Variants in DSCAML1 observed in about 807,000 individuals in gnomAD.
DSCAML1 encodes the protein cell adhesion molecule DSCAML1.
In DSCAML1, 38 loss-of-function variants were observed where a neutral mutation model predicts 200.5. The observed-to-expected ratio is 0.19, with a 90% CI of 0.15 to 0.25. The LOEUF (loss-of-function observed/expected upper bound fraction) is 0.25. Among genes scored for constraint, DSCAML1 ranks in the 10% least tolerant of loss-of-function variants. The pLI, the probability that DSCAML1 is intolerant of heterozygous loss-of-function variation, is 1.00. For synonymous variants in DSCAML1, 1,215 were observed against 1,165.0 expected (o/e 1.04, Z -0.87); for missense variants, 2,223 against 2,858.8 (o/e 0.78, Z 5.07).
intron 11 of DSCAML1, among the ~76,000 whole-genome samples, chr11:117,485,156 C>A (rs998517292): frequency 4.6e-5 from 7 of 152,180 alleles, no homozygotes; most frequent in African/African-American, 1.2e-4. Flanking sequence ...ACCCCATTCA[C>A]CCCTGAGGCT....
intron 3 of DSCAML1, among the ~76,000 whole-genome samples, chr11:117,758,256 C>A (rs189488181): frequency 1.3e-5 from 2 of 149,810 alleles, no homozygotes; most frequent in Non-Finnish European, 3.0e-5. Flanking sequence ...GCCAAGATCA[C>A]GCCACTGCAC....
Position 117,458,078 on chromosome 11 carries a change from C to T in DSCAML1, c.3568+676G>A, listed in dbSNP as rs955596008. On this transcript the variant is annotated intron_variant, in intron 19 of 32. Coordinates refer to ENST00000651296, the MANE Select transcript of DSCAML1 (RefSeq NM_020693.4). The stretch of plus-strand genomic sequence containing the variant: ...CTGTTCATGCACTGTGCCTCCCTGG[C>T]GGCCCTGGGGTAGTGCAGCTCCAGG... 1.8e-4 allele frequency among the ~76,000 whole-genome samples: 22 copies of T among 120,248 alleles called. No homozygotes were observed. The South Asian group carries it at 3.9e-3, about 22-fold the overall frequency. The allele number at this position is 120,248 out of a possible 152,430, so 78.9% of individuals were successfully genotyped here.
Position 117,504,914 on chromosome 11 carries a change from AG to A in DSCAML1, c.2182+9del. On this transcript the variant is annotated intron_variant, in intron 10 of 32. Transcript: ENST00000651296. This position sits in a 1 kb window ranked among gnomAD's most constrained non-coding sequence, Gnocchi z 5.0. ...CCTTCTTGGAGATTCTGGCTGGGCC[AG>A]GGGCTTACCCTTGGCATGCTTCCAC... The A allele has an allele frequency of 6.3e-7, 1 of 1,597,024 alleles. No individual in the cohort carries two copies. The highest frequency in any genetic ancestry group is 1.1e-5 in the South Asian group (1 of 87,864).
At chr11:117,571,936 C>T (rs2050853413) in intron 3 of DSCAML1, among the ~76,000 whole-genome samples, 2 of 152,188 alleles carry the variant, frequency 1.3e-5, no homozygotes, top group African/African-American at 4.8e-5. Context: ...CATTGCTACA[C>T]TCCCACCAGC....
chr11:117,656,599 C>T (rs2052741981), intron 3 of DSCAML1, among the ~76,000 whole-genome samples: 1 of 151,998 alleles, frequency 6.6e-6, no homozygotes, highest in African/African-American at 2.4e-5. Flanking sequence ...GTAAGGTAGA[C>T]ATTACTACAA....
rs183242617 is a variant in DSCAML1, at chr11:117,589,038, C to T, written c.512-56516G>A. On this transcript the variant is annotated intron_variant, in intron 3 of 32. Transcript: ENST00000651296. ...ACAAAGAAAAACAAGGCGTGGGTTT[C>T]GGAGGCTGTTGCAGGGAAGCATTGG... 5.9e-5 allele frequency among the ~76,000 whole-genome samples: 9 copies of T among 152,170 alleles called. No individual in the cohort carries two copies. In the East Asian group the frequency reaches 1.2e-3, roughly 20 times the overall value.
chr11:117,761,349 A>AG (rs1401440843), intron 3 of DSCAML1, among the ~76,000 whole-genome samples: 3 of 152,150 alleles, frequency 2.0e-5, no homozygotes, highest in Non-Finnish European at 4.4e-5. Context: ...CCCAGCCCCC[A>AG]GACTGAGGCC....
intron 3 of DSCAML1, among the ~76,000 whole-genome samples, chr11:117,583,918 T>C (rs638979): frequency 0.71 from 107,840 of 152,126 alleles, 39,535 homozygotes; most frequent in Middle Eastern, 0.8. Context: ...ACAGGCACAA[T>C]GCTTTCGGCC....
At chr11:117,633,571 T>G (rs956276951) in intron 3 of DSCAML1, among the ~76,000 whole-genome samples, 2 of 152,228 alleles carry the variant, frequency 1.3e-5, no homozygotes, top group Admixed American at 6.5e-5. Flanking sequence ...ATACTGACAT[T>G]GCAATACCAA....
intron 4 of DSCAML1, among the ~76,000 whole-genome samples, chr11:117,530,859 C>A (rs2050065143): frequency 6.6e-6 from 1 of 152,154 alleles, no homozygotes; most frequent in African/African-American, 2.4e-5. Context: ...TGAGTCTAAT[C>A]CCAAAAGCCG....
At chr11:117,674,634 T>C (rs73592658) in intron 3 of DSCAML1, among the ~76,000 whole-genome samples, 3,956 of 152,224 alleles carry the variant, frequency 0.026, 154 homozygotes, top group African/African-American at 0.09. Context: ...ATCCCAATCT[T>C]CCATGAGGCA....
chr11:117,502,535 G>A (rs991921147), intron 11 of DSCAML1, among the ~76,000 whole-genome samples: 15 of 152,272 alleles, frequency 9.9e-5, no homozygotes, highest in South Asian at 4.1e-4. Context: ...ATTCCGGCTC[G>A]GAGCTCCCTG....
At chr11:117,468,032 A>T (rs1444289817) in intron 16 of DSCAML1, among the ~76,000 whole-genome samples, 1 of 152,182 alleles carries the variant, frequency 6.6e-6, no homozygotes, top group Non-Finnish European at 1.5e-5. Flanking sequence ...CCATCCAGAT[A>T]GATTCACATA....
At chr11:117,610,694 GCCGCCCC>G (rs2051671212) in intron 3 of DSCAML1, among the ~76,000 whole-genome samples, 1 of 151,690 alleles carries the variant, frequency 6.6e-6, no homozygotes, top group Admixed American at 6.6e-5. Flanking sequence ...TTCACATAAA[GCCGCCCC>G]ATCCTTTATA....
At chr11:117,495,060 A>G (rs1451728912) in intron 11 of DSCAML1, among the ~76,000 whole-genome samples, 1 of 152,202 alleles carries the variant, frequency 6.6e-6, no homozygotes, top group Non-Finnish European at 1.5e-5. Flanking sequence ...GCAGGGATCC[A>G]GTGTGTGATA....
intron 11 of DSCAML1, among the ~76,000 whole-genome samples, chr11:117,487,242 T>C (rs1265346697): frequency 6.6e-6 from 1 of 152,164 alleles, no homozygotes; most frequent in African/African-American, 2.4e-5. Flanking sequence ...AGTTTTATAT[T>C]GACTATCTGT....
chr11:117,429,174 A>G (rs2047731543), intron 32 of DSCAML1, among the ~76,000 whole-genome samples: 1 of 152,148 alleles, frequency 6.6e-6, no homozygotes, highest in Non-Finnish European at 1.5e-5. Context: ...CACTACTGCT[A>G]AGGACGAGGA....
intron 3 of DSCAML1, among the ~76,000 whole-genome samples, chr11:117,562,453 C>T (rs2050680719): frequency 6.6e-6 from 1 of 152,228 alleles, no homozygotes; most frequent in African/African-American, 2.4e-5. Flanking sequence ...TTCCAGCTCC[C>T]ACAGCATGTG....
At chr11:117,653,242 C>T (rs1565852968) in intron 3 of DSCAML1, among the ~76,000 whole-genome samples, 1 of 152,104 alleles carries the variant, frequency 6.6e-6, no homozygotes, top group Non-Finnish European at 1.5e-5. Context: ...TAATCCTGGT[C>T]GCCATGAGCC....
Sources: allele counts gnomAD v4.1 joint callset (sites outside exome capture counted in the v4.1 genomes callset), GRCh38; gene constraint gnomAD v4.1.1; non-coding constraint Gnocchi (gnomAD v3.1); transcripts MANE v1.5; gene names NCBI Gene and HGNC (gene_info 2026-07-23, HGNC 2026-07-21).